Variants in PARD3B observed in about 807,000 individuals in gnomAD.
PARD3B encodes the protein par-3 family cell polarity regulator beta.
A neutral mutation model predicts 130.2 loss-of-function variants in PARD3B; 103 were observed. The observed-to-expected ratio is 0.79, with a 90% CI of 0.67 to 0.93. The LOEUF is 0.93. PARD3B is among the 40% of genes least tolerant of loss of function. The pLI, the probability that PARD3B is intolerant of heterozygous loss-of-function variation, is 0.00. For missense variants in PARD3B, 1,609 were observed against 1,499.2 expected, an observed-to-expected ratio of 1.07 and a Z score of -1.21; for synonymous variants, 583 against 553.2, an observed-to-expected ratio of 1.05 and a Z score of -0.76.
intron 18 of PARD3B, among the ~76,000 whole-genome samples, chr2:205,374,575 T>C (rs2044961620): frequency 6.6e-6 from 1 of 152,204 alleles, no homozygotes; most frequent in Non-Finnish European, 1.5e-5. Flanking sequence ...TCTTTTATTC[T>C]ATATATTTTG....
At chr2:205,067,034 C>T (rs545949766) in intron 4 of PARD3B, among the ~76,000 whole-genome samples, 1 of 138,408 alleles carries the variant, frequency 7.2e-6, no homozygotes, top group Admixed American at 7.3e-5. Flanking sequence ...TCAGTAGAAA[C>T]TAACACTCTA....
intron 18 of PARD3B, among the ~76,000 whole-genome samples, chr2:205,375,027 A>C (rs1304788992): frequency 3.3e-5 from 5 of 152,212 alleles, no homozygotes; most frequent in Non-Finnish European, 7.4e-5. Flanking sequence ...GACATAAATA[A>C]TAAATTTTAA....
intron 19 of PARD3B, among the ~76,000 whole-genome samples, chr2:205,430,427 G>A (rs1345564610): frequency 3.3e-5 from 5 of 152,112 alleles, no homozygotes; most frequent in South Asian, 2.1e-4. Context: ...CGTTAGTCAC[G>A]TTGAAATTTA....
intron 19 of PARD3B, among the ~76,000 whole-genome samples, chr2:205,436,238 G>A (rs2047511454): frequency 6.6e-6 from 1 of 152,142 alleles, no homozygotes; most frequent in African/African-American, 2.4e-5. Context: ...CCACAATGGA[G>A]ACTGTATATC....
intron 3 of PARD3B, among the ~76,000 whole-genome samples, chr2:205,035,401 T>G (rs1374316881): frequency 6.6e-6 from 1 of 152,116 alleles, no homozygotes; most frequent in African/African-American, 2.4e-5. Context: ...ATATTCTATA[T>G]AAGAGAGAAG....
chr2:205,379,893 C>T (rs1282801331), intron 18 of PARD3B, among the ~76,000 whole-genome samples: 1 of 151,134 alleles, frequency 6.6e-6, no homozygotes, highest in East Asian at 1.9e-4. Context: ...TATGGTGAAA[C>T]CCCGTGTCTA....
chr2:205,010,306 C>A (rs1004097020), intron 3 of PARD3B, among the ~76,000 whole-genome samples: 1 of 152,200 alleles, frequency 6.6e-6, no homozygotes, highest in Non-Finnish European at 1.5e-5. Context: ...TGCTGCTTTT[C>A]CCTGTAGTCA....
intron 15 of PARD3B, among the ~76,000 whole-genome samples, chr2:205,194,576 G>A (rs2036566687): frequency 6.6e-6 from 1 of 152,122 alleles, no homozygotes; most frequent in African/African-American, 2.4e-5. Context: ...CTGTAAAGAA[G>A]ATGAATGGAT....
chr2:205,476,970 A>G (rs1048066251), intron 20 of PARD3B, among the ~76,000 whole-genome samples: 2 of 152,232 alleles, frequency 1.3e-5, no homozygotes, highest in African/African-American at 4.8e-5. Flanking sequence ...GTGTATGGCA[A>G]TGATGTTTTT....
intron 10 of PARD3B, among the ~76,000 whole-genome samples, chr2:205,139,498 A>C (rs939836341): frequency 5.9e-5 from 9 of 152,300 alleles, no homozygotes; most frequent in African/African-American, 1.9e-4. Flanking sequence ...AATCACCTCA[A>C]TTCCTCTTTG....
chr2:205,155,422 C>T (rs1349910587), intron 10 of PARD3B, among the ~76,000 whole-genome samples: 1 of 152,088 alleles, frequency 6.6e-6, no homozygotes, highest in Non-Finnish European at 1.5e-5. Context: ...GTCAGAAATA[C>T]ACTTTTAAAA....
intron 16 of PARD3B, among the ~76,000 whole-genome samples, chr2:205,260,006 T>C (rs887048969): frequency 1.3e-5 from 2 of 152,154 alleles, no homozygotes; most frequent in Non-Finnish European, 2.9e-5. Context: ...TTTGTGTACA[T>C]TGAACCACTA....
intron 2 of PARD3B, among the ~76,000 whole-genome samples, chr2:204,821,041 C>G (rs2043332547): frequency 6.6e-6 from 1 of 152,156 alleles, no homozygotes; most frequent in South Asian, 2.1e-4. Context: ...TATTACTATT[C>G]ATTGACAATG....
chr2:205,091,337 C>T lies in PARD3B; in HGVS notation c.505-13089C>T, dbSNP rs779636430. Among the ~76,000 whole-genome samples, 22 of 152,114 alleles carry T rather than the reference C, an allele frequency of 1.4e-4. No individual in the cohort carries two copies. Among genetic ancestry groups the T allele is most frequent in the Non-Finnish European group, 3.2e-4 (22 of 68,032 alleles). On this transcript the variant is annotated intron_variant, in intron 4 of 22. Coordinates refer to ENST00000406610, the MANE Select transcript of PARD3B (RefSeq NM_001302769.2). The surrounding 1 kb of genome is among the most constrained non-coding windows in gnomAD (Gnocchi z 4.2). ...CGTGGCACAAACTGCATCATTTACA[C>T]TGGGAGGTTTGTATGTGGAGTGATG... is the stretch of plus-strand genomic sequence containing the variant.
At chr2:205,191,394 G>C (rs554306191) in intron 14 of PARD3B, among the ~76,000 whole-genome samples, 2 of 152,046 alleles carry the variant, frequency 1.3e-5, no homozygotes, top group African/African-American at 2.4e-5. Flanking sequence ...TCCTACAGGG[G>C]CCACTCTCCT....
In PARD3B at chr2:204,870,024, G is replaced by A. The variant is rs144216570; in HGVS notation, c.223-95128G>A. Among the ~76,000 whole-genome samples, 813 of 152,284 alleles carry A rather than the reference G, an allele frequency of 5.3e-3. 9 individuals carry two copies. The highest frequency in any genetic ancestry group is 0.018 in the African/African-American group (739 of 41,570). Reference sequence around the variant, plus strand: ...GTGAGAACAGGTTGCAGAGGACACTGATTCCTCCTTTCTACCCTCTTCCAG... The same window carrying A: ...GTGAGAACAGGTTGCAGAGGACACTAATTCCTCCTTTCTACCCTCTTCCAG... On this transcript the variant is annotated intron_variant, in intron 2 of 22. Coordinates refer to ENST00000406610, the MANE Select transcript of PARD3B (RefSeq NM_001302769.2).
intron 19 of PARD3B, among the ~76,000 whole-genome samples, chr2:205,410,026 A>C (rs1015872126): frequency 1.3e-5 from 2 of 152,196 alleles, no homozygotes; most frequent in Non-Finnish European, 2.9e-5. Context: ...CCAATCAGAG[A>C]TACCAGAGCT....
chr2:205,199,610 A>G (rs2036880659), intron 15 of PARD3B, among the ~76,000 whole-genome samples: 1 of 152,130 alleles, frequency 6.6e-6, no homozygotes, highest in Non-Finnish European at 1.5e-5. Context: ...CAGCCAAGCT[A>G]TTTTTAAAGC....
intron 20 of PARD3B, among the ~76,000 whole-genome samples, chr2:205,472,206 C>A (rs1471527041): frequency 1.3e-5 from 2 of 152,108 alleles, no homozygotes; most frequent in Non-Finnish European, 2.9e-5. Flanking sequence ...TCTCCTCGAC[C>A]AATGAAGTCA....
Sources: gnomAD v4.1 joint callset for allele counts (sites outside exome capture counted in the v4.1 genomes callset) on GRCh38, gnomAD v4.1.1 for gene constraint, Gnocchi (gnomAD v3.1) non-coding constraint, MANE v1.5 for transcripts, NCBI Gene and HGNC (gene_info 2026-07-23, HGNC 2026-07-21) for gene names.